The following DACH2 variants were observed in gnomAD, a reference collection of about 807,000 sequenced individuals.
The protein encoded by DACH2 is dachshund family transcription factor 2, also known as dachshund homolog 2.
DACH2 carries 17 observed loss-of-function variants against 35.8 expected under a neutral mutation model. The ratio of observed to expected loss-of-function variants is 0.48; its 90% CI spans 0.33 to 0.71. DACH2 has a LOEUF of 0.71. DACH2 is among the 30% of genes least tolerant of loss of function. The probability of loss-of-function intolerance (pLI) is 0.02; values close to 1 mark genes in which losing one functional copy is unlikely to be tolerated. For missense variants in DACH2, 469 were observed against 472.7 expected, an observed-to-expected ratio of 0.99 and a Z score of 0.07; for synonymous variants, 195 against 177.3, an observed-to-expected ratio of 1.10 and a Z score of -0.79.
rs375612493 is a variant in DACH2, at chrX:86,294,205, G to A, written c.489-82619G>A. Among the ~76,000 whole-genome samples, 57 of 111,559 alleles carry A rather than the reference G, an allele frequency of 5.1e-4. 1 individual carries two copies. The East Asian group carries it at 5.9e-3, about 12-fold the overall frequency. ...TCCATCACTGATACGCTTTCTTCCA[G>A]TTGATTGCATCGGCTCCTGAGGCTT... On this transcript the variant is annotated intron_variant, in intron 1 of 11. Coordinates refer to ENST00000373125, the MANE Select transcript of DACH2 (RefSeq NM_053281.3).
At chrX:86,541,972 T>C (rs1007532787) in intron 3 of DACH2, among the ~76,000 whole-genome samples, 2 of 112,053 alleles carry the variant, frequency 1.8e-5, no homozygotes, top group African/African-American at 6.5e-5. Flanking sequence ...ATCTGAATAA[T>C]TGTGAAGTAT....
intron 2 of DACH2, among the ~76,000 whole-genome samples, chrX:86,417,610 A>G (rs767821303): frequency 4.0e-4 from 45 of 111,324 alleles, no homozygotes; most frequent in African/African-American, 1.4e-3. Flanking sequence ...ACCCACCCCC[A>G]TAATTCAGTC....
At chrX:86,676,339 C>G (rs2040824837) in intron 4 of DACH2, among the ~76,000 whole-genome samples, 1 of 112,047 alleles carries the variant, frequency 8.9e-6, no homozygotes, top group African/African-American at 3.2e-5. Context: ...ACTGAAGCTT[C>G]TAGCACTCCA....
At chrX:86,541,547 T>A (rs750295765) in intron 3 of DACH2, among the ~76,000 whole-genome samples, 18 of 111,242 alleles carry the variant, frequency 1.6e-4, no homozygotes, top group African/African-American at 5.9e-4. Context: ...ATAACCCAGG[T>A]CTCATTGGGT....
At chrX:86,184,116 C>A (rs760428741) in intron 1 of DACH2, 9 of 127,715 alleles carry the variant, frequency 7.0e-5, no homozygotes, top group Non-Finnish European at 1.3e-4. Context: ...TTAATCTTTT[C>A]AAAAAACCAG....
intron 3 of DACH2, among the ~76,000 whole-genome samples, chrX:86,543,736 C>G (rs1191736345): frequency 9.5e-6 from 1 of 105,556 alleles, no homozygotes; most frequent in Non-Finnish European, 1.9e-5. Context: ...ATCGCAAGAA[C>G]CAAAAACCAA....
intron 1 of DACH2, among the ~76,000 whole-genome samples, chrX:86,341,395 C>A (rs1220394753): frequency 8.9e-6 from 1 of 111,752 alleles, no homozygotes; most frequent in Non-Finnish European, 1.9e-5. Flanking sequence ...TGTTTGTTTA[C>A]AGCACGGCTT....
chrX:86,254,571 A>G (rs1026060470), intron 1 of DACH2, among the ~76,000 whole-genome samples: 2 of 107,188 alleles, frequency 1.9e-5, no homozygotes, highest in Non-Finnish European at 3.8e-5. Context: ...GGATCCTTGC[A>G]TCTATTTCAG....
At chrX:86,437,906 G>T (rs1050268177) in intron 2 of DACH2, among the ~76,000 whole-genome samples, 35 of 108,553 alleles carry the variant, frequency 3.2e-4, no homozygotes, top group African/African-American at 1.1e-3. Flanking sequence ...TTAGATTCAA[G>T]GGTAAATGTG....
chrX:86,686,421 T>C (rs1171799993), intron 4 of DACH2, among the ~76,000 whole-genome samples: 1 of 109,336 alleles, frequency 9.1e-6, no homozygotes, highest in African/African-American at 3.3e-5. Flanking sequence ...TTAGTAGAGA[T>C]AGGGTTTCAC....
At chrX:86,627,330 C>T (rs1210397049) in intron 3 of DACH2, among the ~76,000 whole-genome samples, 3 of 111,415 alleles carry the variant, frequency 2.7e-5, no homozygotes, top group Non-Finnish European at 5.6e-5. Flanking sequence ...CATCTGAGAC[C>T]GCCTTAGCCT....
In DACH2 at chrX:86,695,074, C is replaced by A; in HGVS notation, c.826C>A (p.Pro276Thr). 8.7e-7 allele frequency: 1 copy of A among 1,149,157 alleles called. No homozygotes were observed. Among genetic ancestry groups the A allele is most frequent in the Non-Finnish European group, 1.2e-6 (1 of 862,671 alleles). The allele number at this position is 1,149,157 out of a possible 1,213,427, so 94.7% of individuals were successfully genotyped here. The change falls in exon 5 of 12, where the codon CCT (proline) becomes ACT (threonine). Residue 276 changes from proline to threonine, a missense_variant. Pro to Thr is a conservative substitution (Grantham distance 38). Around this residue, in one of 3 missense-constraint regions of DACH2, gnomAD observed 363 missense variants for 334.4 expected, o/e 1.09. Transcript: ENST00000373125. The part of the protein sequence containing the change: ...KDKMQSPFAA[P>T]GPQHGIAHAA... ...TAAGATGCAGTCTCCATTTGCTGCA[C>A]CTGGACCCCAACATGGAATTGCTCA...
intron 1 of DACH2, among the ~76,000 whole-genome samples, chrX:86,339,287 T>C (rs1375979944): frequency 4.5e-5 from 5 of 112,076 alleles, no homozygotes; most frequent in Non-Finnish European, 9.4e-5. Flanking sequence ...TTATTCCTTA[T>C]AGAATTGTTT....
intron 5 of DACH2, among the ~76,000 whole-genome samples, chrX:86,695,802 C>G (rs2041062278): frequency 9.0e-6 from 1 of 110,752 alleles, no homozygotes; most frequent in Admixed American, 9.6e-5. Context: ...TGTGAGCCAC[C>G]ACACCCGGCC....
At chrX:86,412,310 C>T (rs2036627793) in intron 2 of DACH2, among the ~76,000 whole-genome samples, 2 of 111,158 alleles carry the variant, frequency 1.8e-5, no homozygotes, top group Admixed American at 9.6e-5. Context: ...GTGAGTGATG[C>T]CACTTCTACT....
intron 7 of DACH2, among the ~76,000 whole-genome samples, chrX:86,783,591 G>A (rs1335100921): frequency 5.4e-5 from 6 of 112,052 alleles, no homozygotes; most frequent in African/African-American, 1.9e-4. Flanking sequence ...CTATGATAAG[G>A]AATGAGATCT....
At chrX:86,341,002 C>G (rs12842932) in intron 1 of DACH2, among the ~76,000 whole-genome samples, 160 of 112,154 alleles carry the variant, frequency 1.4e-3, no homozygotes, top group Non-Finnish European at 2.6e-3. Context: ...TCCACAGTAT[C>G]AAAGTGTGAG....
chrX:86,692,639 T>C (rs1190313609), intron 4 of DACH2, among the ~76,000 whole-genome samples: 1 of 112,148 alleles, frequency 8.9e-6, no homozygotes, highest in Non-Finnish European at 1.9e-5. Context: ...CCAATATTGC[T>C]GTGTTGCTGT....
intron 1 of DACH2, among the ~76,000 whole-genome samples, chrX:86,254,340 A>G (rs1204530363): frequency 9.0e-6 from 1 of 111,158 alleles, no homozygotes; most frequent in African/African-American, 3.3e-5. Context: ...CTGCCTAAAC[A>G]TGGGTTACTG....
Sources: gnomAD v4.1 joint callset for allele counts (sites outside exome capture counted in the v4.1 genomes callset) on GRCh38, gnomAD v4.1.1 for gene constraint, gnomAD v4.1.1 regional missense constraint, MANE v1.5 for transcripts, NCBI Gene and HGNC (gene_info 2026-07-23, HGNC 2026-07-21) for gene names.